Variants in SLC39A11 observed in about 807,000 individuals in gnomAD.
The protein encoded by SLC39A11 is solute carrier family 39 member 11, also known as zinc transporter ZIP11.
A neutral mutation model predicts 36.1 loss-of-function variants in SLC39A11; 33 were observed. The observed-to-expected ratio is 0.91, with a 90% CI of 0.69 to 1.22. The LOEUF is 1.22. Among genes scored for constraint, SLC39A11 ranks in the 50% most tolerant of loss-of-function variants. The probability of loss-of-function intolerance (pLI) is 0.00; values close to 1 mark genes in which losing one functional copy is unlikely to be tolerated. For missense variants in SLC39A11, 432 were observed against 430.3 expected, an observed-to-expected ratio of 1.00 and a Z score of -0.03; for synonymous variants, 166 against 170.3, an observed-to-expected ratio of 0.97 and a Z score of 0.20.
intron 3 of SLC39A11, among the ~76,000 whole-genome samples, chr17:73,036,667 G>A (rs545269397): frequency 5.3e-5 from 8 of 152,076 alleles, no homozygotes; most frequent in East Asian, 1.9e-4. Context: ...GGCTGGTCTC[G>A]AACTCCCGAC....
Position 72,908,524 on chromosome 17 carries a change from G to A in SLC39A11, c.430+39228C>T, listed in dbSNP as rs2082785953. ...CGTCTCTGCCAAGGGCAGGAGAACT[G>A]TCCAGAGAGCCCCGGCTTGCCAGGC... On this transcript the variant is annotated intron_variant, in intron 5 of 9. Coordinates refer to ENST00000255559, the MANE Select transcript of SLC39A11 (RefSeq NM_139177.4). Among the ~76,000 whole-genome samples, 4 of 152,232 alleles carry A rather than the reference G, an allele frequency of 2.6e-5. No individual in the cohort carries two copies. The South Asian group carries it at 6.2e-4, about 24-fold the overall frequency.
At chr17:72,707,400 A>C (rs550459666) in intron 7 of SLC39A11, among the ~76,000 whole-genome samples, 6 of 152,158 alleles carry the variant, frequency 3.9e-5, no homozygotes, top group Non-Finnish European at 5.9e-5. Context: ...CAAGACAGAA[A>C]GAGACCCCGA....
Position 72,845,373 on chromosome 17 carries a change from G to C in SLC39A11, c.601+4261C>G, listed in dbSNP as rs572099835. Among the ~76,000 whole-genome samples, 6 of 152,246 alleles carry C rather than the reference G, an allele frequency of 3.9e-5. No individual in the cohort carries two copies. The South Asian group carries it at 8.3e-4, about 21-fold the overall frequency. ...CAGTGGACTCTTGGCTACTCCTTGT[G>C]GGGGCCAGACATGCTCCTGCCTCAG... On this transcript the variant is annotated intron_variant, in intron 6 of 9. Transcript: ENST00000255559.
chr17:73,002,060 A>G (rs1382546719), intron 4 of SLC39A11, among the ~76,000 whole-genome samples: 2 of 152,164 alleles, frequency 1.3e-5, no homozygotes, highest in African/African-American at 4.8e-5. Flanking sequence ...TGAGCTAAGC[A>G]TATCTGCACA....
intron 6 of SLC39A11, among the ~76,000 whole-genome samples, chr17:72,771,316 A>G (rs1240011126): frequency 6.7e-6 from 1 of 149,678 alleles, no homozygotes; most frequent in Admixed American, 6.7e-5. Context: ...GTGCCGCTGC[A>G]CTCCAGCCTG....
intron 6 of SLC39A11, among the ~76,000 whole-genome samples, chr17:72,752,668 C>T (rs1472973131): frequency 6.6e-6 from 1 of 152,216 alleles, no homozygotes; most frequent in African/African-American, 2.4e-5. Flanking sequence ...GCTGGGATTA[C>T]AGGCATGAGC....
chr17:72,762,784 C>A (rs971228931), intron 6 of SLC39A11, among the ~76,000 whole-genome samples: 1 of 152,202 alleles, frequency 6.6e-6, no homozygotes, highest in South Asian at 2.1e-4. Context: ...GGCAGACCTT[C>A]CCATTCGATT....
chr17:72,726,641 T>G (rs536420776), intron 7 of SLC39A11, among the ~76,000 whole-genome samples: 1 of 152,340 alleles, frequency 6.6e-6, no homozygotes, highest in African/African-American at 2.4e-5. Context: ...TGTTGATGAA[T>G]GACCAGGAAA....
At chr17:72,699,094 G>T (rs575640755) in intron 7 of SLC39A11, among the ~76,000 whole-genome samples, 1 of 152,268 alleles carries the variant, frequency 6.6e-6, no homozygotes, top group Non-Finnish European at 1.5e-5. Flanking sequence ...CTCCCAAAGT[G>T]CTGGGATTAC....
At chr17:72,798,414 C>T (rs376790296) in intron 6 of SLC39A11, among the ~76,000 whole-genome samples, 20 of 140,660 alleles carry the variant, frequency 1.4e-4, no homozygotes, top group African/African-American at 2.6e-4. Context: ...CCACTTCTTT[C>T]TTTCTTTTTT....
At chr17:73,019,326 T>C (rs1442825198) in intron 4 of SLC39A11, among the ~76,000 whole-genome samples, 1 of 152,206 alleles carries the variant, frequency 6.6e-6, no homozygotes, top group African/African-American at 2.4e-5. Context: ...CTTTAAAGTT[T>C]CTTTTAAAGA....
intron 6 of SLC39A11, among the ~76,000 whole-genome samples, chr17:72,779,487 G>A (rs2076238513): frequency 6.6e-6 from 1 of 151,978 alleles, no homozygotes; most frequent in African/African-American, 2.4e-5. Flanking sequence ...TGGCTTTAGG[G>A]GACCTCCCAG....
intron 3 of SLC39A11, among the ~76,000 whole-genome samples, chr17:73,053,953 G>A (rs2059586645): frequency 6.6e-6 from 1 of 152,172 alleles, no homozygotes; most frequent in Non-Finnish European, 1.5e-5. Context: ...ACTCAGCAGG[G>A]AGGATTTCTT....
chr17:72,670,268 G>A (rs2070965793), intron 7 of SLC39A11, among the ~76,000 whole-genome samples: 1 of 151,304 alleles, frequency 6.6e-6, no homozygotes, highest in South Asian at 2.1e-4. Flanking sequence ...TTACTCATGA[G>A]GCGGAGACAG....
rs569411771 is a variant in SLC39A11, at chr17:73,037,548, G to T, written c.148-5834C>A. ...TGCCAGCCAGTCCCTTCATAGCCCC[G>T]GATGGTAGAGAACAAAAGTCCTTCT... On this transcript the variant is annotated intron_variant, in intron 3 of 9. Coordinates refer to ENST00000255559, the MANE Select transcript of SLC39A11 (RefSeq NM_139177.4). Among the ~76,000 whole-genome samples the T allele has an allele frequency of 3.3e-5, 5 of 152,298 alleles. No homozygotes were observed. In the East Asian group the frequency reaches 9.6e-4, roughly 29 times the overall value.
At chr17:72,789,160 G>A (rs771473747) in intron 6 of SLC39A11, among the ~76,000 whole-genome samples, 41 of 151,924 alleles carry the variant, frequency 2.7e-4, no homozygotes, top group Non-Finnish European at 1.2e-4. Flanking sequence ...TCAGCCTCCA[G>A]AGCAGCTGAG....
intron 6 of SLC39A11, among the ~76,000 whole-genome samples, chr17:72,778,730 C>A (rs910998957): frequency 1.3e-5 from 2 of 152,222 alleles, no homozygotes; most frequent in Non-Finnish European, 2.9e-5. Context: ...ACTGTCATCA[C>A]GGCGTCTGCT....
intron 5 of SLC39A11, among the ~76,000 whole-genome samples, chr17:72,930,298 G>T (rs1057009796): frequency 3.4e-4 from 51 of 152,202 alleles, no homozygotes; most frequent in African/African-American, 1.2e-3. Context: ...TTCCTCCACT[G>T]GCCCAGTCCT....
intron 4 of SLC39A11, among the ~76,000 whole-genome samples, chr17:72,999,730 A>C (rs1052279465): frequency 6.6e-6 from 1 of 151,818 alleles, no homozygotes; most frequent in Admixed American, 6.6e-5. Context: ...GCTATCCTGT[A>C]TCTGTTTTTT....
Sources: allele counts gnomAD v4.1 joint callset (sites outside exome capture counted in the v4.1 genomes callset), GRCh38; gene constraint gnomAD v4.1.1; transcripts MANE v1.5; gene names NCBI Gene and HGNC (gene_info 2026-07-23, HGNC 2026-07-21).